The following ATP9B variants were observed in gnomAD, a reference collection of about 807,000 sequenced individuals.
ATP9B encodes the protein probable phospholipid-transporting ATPase IIB.
A neutral mutation model predicts 146.1 loss-of-function variants in ATP9B; 110 were observed. The observed-to-expected ratio is 0.75, with a 90% confidence interval of 0.65 to 0.88. The LOEUF is 0.88. ATP9B is among the 40% of genes least tolerant of loss of function. The pLI, the probability that ATP9B is intolerant of heterozygous loss-of-function variation, is 0.00. For synonymous variants in ATP9B, 604 were observed against 569.7 expected (o/e 1.06, Z -0.86); for missense variants, 1,499 against 1,496.4 (o/e 1.00, Z -0.03).
intron 17 of ATP9B, among the ~76,000 whole-genome samples, chr18:79,334,137 G>A (rs1193364155): frequency 6.6e-6 from 1 of 152,098 alleles, no homozygotes; most frequent in Non-Finnish European, 1.5e-5. Flanking sequence ...GTGGGCAGAT[G>A]ATGAGGTCAG....
chr18:79,308,365 T>C (rs1162516442), intron 15 of ATP9B, among the ~76,000 whole-genome samples: 1 of 152,034 alleles, frequency 6.6e-6, no homozygotes, highest in African/African-American at 2.4e-5. Flanking sequence ...CACAGCAGTG[T>C]TAGAGCCGGG....
intron 11 of ATP9B, among the ~76,000 whole-genome samples, chr18:79,242,412 G>A (rs2095898432): frequency 6.6e-6 from 1 of 152,196 alleles, no homozygotes; most frequent in Non-Finnish European, 1.5e-5. Context: ...AGAAAGATGT[G>A]TATATCAAAT....
chr18:79,160,285 G>T (rs1198792968), intron 7 of ATP9B, among the ~76,000 whole-genome samples: 1 of 152,202 alleles, frequency 6.6e-6, no homozygotes, highest in Non-Finnish European at 1.5e-5. Context: ...ATTCTTTCAA[G>T]TCCGGTTATT....
At chr18:79,232,740 A>G (rs942167779) in intron 11 of ATP9B, among the ~76,000 whole-genome samples, 2 of 152,238 alleles carry the variant, frequency 1.3e-5, no homozygotes, top group Non-Finnish European at 2.9e-5. Context: ...AGAAGTAGAC[A>G]ACTCGCGAAA....
chr18:79,235,063 G>A (rs1254068484), intron 11 of ATP9B, among the ~76,000 whole-genome samples: 1 of 152,018 alleles, frequency 6.6e-6, no homozygotes, highest in Non-Finnish European at 1.5e-5. Context: ...AATAGAGATG[G>A]GGTTTCACCA....
intron 13 of ATP9B, among the ~76,000 whole-genome samples, chr18:79,288,328 T>C (rs927961609): frequency 4.6e-5 from 7 of 152,118 alleles, no homozygotes; most frequent in African/African-American, 1.4e-4. Context: ...ATATTTAGGA[T>C]AGTTAGCTCT....
chr18:79,071,906 TG>T (rs748201263), intron 1 of ATP9B, among the ~76,000 whole-genome samples: 9,952 of 126,368 alleles, frequency 0.079, 419 homozygotes, highest in Non-Finnish European at 0.11. Context: ...TTTTTTTTTT[TG>T]GTTTTCGAAT....
chr18:79,126,505 T>G, intron 5 of ATP9B, 130 bp downstream of exon 5: 2 of 628,598 alleles, frequency 3.2e-6, no homozygotes. Flanking sequence ...GTATATGATA[T>G]CTAATTAATT....
At chr18:79,268,160 A>G (rs2096222554) in intron 12 of ATP9B, among the ~76,000 whole-genome samples, 1 of 152,108 alleles carries the variant, frequency 6.6e-6, no homozygotes, top group Non-Finnish European at 1.5e-5. Flanking sequence ...TAATGTAGCA[A>G]TGCCAGCTGT....
intron 7 of ATP9B, among the ~76,000 whole-genome samples, chr18:79,158,174 T>C (rs976541513): frequency 6.6e-6 from 1 of 152,326 alleles, no homozygotes; most frequent in Non-Finnish European, 1.5e-5. Flanking sequence ...TTTTGCTGTA[T>C]TTCATGAGGT....
At chr18:79,221,358 TTCAGCTGATAAGGAGGACTTGCCCCATC>T (rs1449245175) in intron 11 of ATP9B, among the ~76,000 whole-genome samples, 2 of 152,146 alleles carry the variant, frequency 1.3e-5, no homozygotes, top group African/African-American at 4.8e-5. Flanking sequence ...CTTCCACAGA[TTCAGCTGATAAGGAGGACTTGCCCCATC>T]TCAGCTGCAG....
At chr18:79,248,866 G>C in intron 11 of ATP9B, among the ~76,000 whole-genome samples, 1 of 152,184 alleles carries the variant, frequency 6.6e-6, no homozygotes, top group East Asian at 1.9e-4. Context: ...TTCACCCAGG[G>C]TGACATCATC....
At chr18:79,124,267 G>A (rs1439709990) in intron 4 of ATP9B, among the ~76,000 whole-genome samples, 2 of 152,178 alleles carry the variant, frequency 1.3e-5, no homozygotes, top group Non-Finnish European at 1.5e-5. Flanking sequence ...TGATGGTGAC[G>A]GTTGTACAAC....
rs1031255254 is a variant in ATP9B at position 79,338,640 on chromosome 18, G to A, written c.2283+1191G>A. Among the ~76,000 whole-genome samples, 7 of 152,210 alleles carry A rather than the reference G, an allele frequency of 4.6e-5. No individual in the cohort carries two copies. In the South Asian group the frequency reaches 1.0e-3, roughly 23 times the overall value. ...GCGGGGCACACGCTCCCTGCCCACC[G>A]ACCTGCTCTCTGGCTTTTTCACTTA... On this transcript the variant is annotated intron_variant, in intron 19 of 29. Coordinates refer to ENST00000426216, the MANE Select transcript of ATP9B (RefSeq NM_198531.5).
At chr18:79,141,242 A>T (rs1314443188) in intron 5 of ATP9B, among the ~76,000 whole-genome samples, 2 of 152,138 alleles carry the variant, frequency 1.3e-5, no homozygotes, top group African/African-American at 4.8e-5. Context: ...TGCTGCCACC[A>T]TGTGAAGAAG....
intron 15 of ATP9B, among the ~76,000 whole-genome samples, chr18:79,309,647 T>C (rs371469080): frequency 1.1e-5 from 1 of 93,460 alleles, no homozygotes; most frequent in South Asian, 3.7e-4. Flanking sequence ...GGTCAGGGGC[T>C]GAGGACTGAT....
At chr18:79,105,409 G>T (rs1472380242) in intron 2 of ATP9B, among the ~76,000 whole-genome samples, 2 of 152,194 alleles carry the variant, frequency 1.3e-5, no homozygotes, top group African/African-American at 4.8e-5. Flanking sequence ...ATATTTAAGT[G>T]TATTTCTATT....
In ATP9B at chr18:79,154,555, G is replaced by T; in HGVS notation, c.778G>T (p.Gly260Cys). 6.6e-7 allele frequency: 1 copy of T among 1,515,242 alleles called. No individual in the cohort carries two copies. The highest frequency in any genetic ancestry group is 8.8e-7 in the Non-Finnish European group (1 of 1,136,992). The allele number at this position is 1,515,242 out of a possible 1,614,324, so 93.9% of individuals were successfully genotyped here. The change falls in exon 7 of 30, where the codon GGT becomes TGT. Residue 260 changes from glycine to cysteine, a missense_variant and splice_region_variant. Coordinates refer to ENST00000426216, the MANE Select transcript of ATP9B (RefSeq NM_198531.5). ...MVFLRTSEKA[G>C]SCFIRTDQLD... ...GTTTCTTAGGACTTCAGAAAAAGCA[G>T]GTATTTTTACATTTAAAAAAACTTA... is the stretch of plus-strand genomic sequence containing the variant.
intron 5 of ATP9B, among the ~76,000 whole-genome samples, chr18:79,140,321 G>A (rs7227612): frequency 0.27 from 41,166 of 151,990 alleles, 6,510 homozygotes; most frequent in African/African-American, 0.45. Flanking sequence ...AATTATCATC[G>A]AATGGAATTT....
Sources: gnomAD v4.1 joint callset for allele counts (sites outside exome capture counted in the v4.1 genomes callset) on GRCh38, gnomAD v4.1.1 for gene constraint, MANE v1.5 for transcripts, NCBI Gene and HGNC (gene_info 2026-07-23, HGNC 2026-07-21) for gene names.